Variants in LARS1 observed in about 807,000 individuals in gnomAD.
LARS1 encodes the protein leucine--tRNA ligase, cytoplasmic.
Under a neutral mutation model 162.8 loss-of-function variants are expected in LARS1, and 100 were observed. The observed-to-expected ratio is 0.61, with a 90% confidence interval of 0.52 to 0.73. The LOEUF (loss-of-function observed/expected upper bound fraction) is 0.73. Among genes scored for constraint, LARS1 ranks in the 30% least tolerant of loss-of-function variants. LARS1 has a pLI of 0.00. For missense variants in LARS1, 1,258 were observed against 1,408.9 expected (o/e 0.89, Z 1.71); for synonymous variants, 457 against 462.8 (o/e 0.99, Z 0.16).
rs745451310 is a variant in LARS1, at chr5:146,128,649, G to A, written c.2880+23C>T. 1.4e-4 allele frequency: 204 copies of A among 1,477,270 alleles called. No homozygotes were observed. In the Middle Eastern group the frequency reaches 2.6e-3, roughly 19 times the overall value. 91.5% of individuals were successfully genotyped at this position (1,477,270 alleles called of 1,614,324 possible). The stretch of plus-strand genomic sequence containing the variant: ...GGGAGCATACAACACCATCAGGGGG[G>A]AAAAGTCTACTGAGAGCATCACCTC... On this transcript the variant is annotated intron_variant, in intron 27 of 31. Transcript: ENST00000394434.
At chr5:146,181,771 A>G (rs1041157363) in intron 1 of LARS1, among the ~76,000 whole-genome samples, 1 of 145,166 alleles carries the variant, frequency 6.9e-6, no homozygotes, top group Admixed American at 7.1e-5. Flanking sequence ...ATATTTTACA[A>G]TGTATTTTAC....
intron 15 of LARS1, among the ~76,000 whole-genome samples, chr5:146,147,163 C>T (rs1048587745): frequency 6.6e-6 from 1 of 152,178 alleles, no homozygotes; most frequent in Non-Finnish European, 1.5e-5. Flanking sequence ...AGTGACAAGT[C>T]CTACCCATAA....
Position 146,164,291 on chromosome 5 carries a change from A to G in LARS1, c.594+19T>C. 6.2e-7 allele frequency: 1 copy of G among 1,606,256 alleles called. No homozygotes were observed. The highest frequency in any genetic ancestry group is 1.1e-5 in the South Asian group (1 of 90,640). ...ACATACTTGTAAATGCTTTCCTCAT[A>G]TTTCCTTTATAGACATACCTTCAAA... On this transcript the variant is annotated intron_variant, in intron 6 of 31. Coordinates refer to ENST00000394434, the MANE Select transcript of LARS1 (RefSeq NM_020117.11).
At chr5:146,122,154 T>C (rs1751851396) in intron 30 of LARS1, among the ~76,000 whole-genome samples, 1 of 152,010 alleles carries the variant, frequency 6.6e-6, no homozygotes, top group African/African-American at 2.4e-5. Flanking sequence ...GTTTAAAAGC[T>C]CCTTTTAACT....
chr5:146,123,918 A>G (rs946750370), intron 29 of LARS1, 64 bp downstream of exon 29: 14 of 790,354 alleles, frequency 1.8e-5, no homozygotes, highest in Admixed American at 7.1e-5. Context: ...TTATTATAAA[A>G]TAAAAGAGCT....
chr5:146,150,210 T>C (rs1439287003), intron 14 of LARS1, among the ~76,000 whole-genome samples: 1 of 152,190 alleles, frequency 6.6e-6, no homozygotes, highest in East Asian at 1.9e-4. Context: ...GGCAAAGTAT[T>C]AGCTTATCCA....
chr5:146,137,163 G>A (rs1752546751), intron 21 of LARS1, among the ~76,000 whole-genome samples: 1 of 152,212 alleles, frequency 6.6e-6, no homozygotes, highest in Non-Finnish European at 1.5e-5. Flanking sequence ...CTCCCAAAGT[G>A]CTGGGATTAT....
chr5:146,179,610 T>C (rs13157279), intron 1 of LARS1: 91,414 of 386,372 alleles, frequency 0.24, 12,972 homozygotes, highest in Admixed American at 0.38. Context: ...TGTGTGTCTG[T>C]GTGAGAGAGA....
Position 146,153,734 on chromosome 5 carries a change from T to G in LARS1, c.1230A>C (p.Gln410His). 1 of 1,611,934 alleles carries G rather than the reference T, an allele frequency of 6.2e-7. No homozygotes were observed. Among genetic ancestry groups the G allele is most frequent in the South Asian group, 1.1e-5 (1 of 91,036 alleles). Reference sequence around the variant, plus strand: ...ACAAACATGAAACTCAGATACTTACTTGCTTTTTCTTCAAGTCTCTGAGGG... The same window carrying G: ...ACAAACATGAAACTCAGATACTTACGTGCTTTTTCTTCAAGTCTCTGAGGG... Reference protein sequence around the residue: ...IAALRDLKKKQALRAKYGIRD... With the variant: ...IAALRDLKKKHALRAKYGIRD... Residue 410 changes from glutamine (Q) to histidine (H), a missense_variant and splice_region_variant, in exon 12 of 32, where the codon CAA (glutamine) becomes CAC (histidine). Coordinates refer to ENST00000394434, the MANE Select transcript of LARS1 (RefSeq NM_020117.11).
chr5:146,182,399 C>T (rs1392769954), intron 1 of LARS1, 89 bp downstream of exon 1: 8 of 1,552,246 alleles, frequency 5.2e-6, no homozygotes, highest in East Asian at 2.2e-5. Context: ...TAGAAAAGGA[C>T]TTTCCCTTCA....
intron 15 of LARS1, among the ~76,000 whole-genome samples, chr5:146,147,698 A>G (rs2126501015): frequency 6.6e-6 from 1 of 152,310 alleles, no homozygotes; most frequent in South Asian, 2.1e-4. Flanking sequence ...AAGAGGTTCA[A>G]TATCTGAATG....
At chr5:146,126,889 C>T (rs900403457) in intron 27 of LARS1, among the ~76,000 whole-genome samples, 1 of 152,078 alleles carries the variant, frequency 6.6e-6, no homozygotes, top group Non-Finnish European at 1.5e-5. Flanking sequence ...AAAAATTACA[C>T]AACTATCATA....
At chr5:146,118,692 T>C (rs758802374) in intron 31 of LARS1, among the ~76,000 whole-genome samples, 1 of 152,176 alleles carries the variant, frequency 6.6e-6, no homozygotes, top group Non-Finnish European at 1.5e-5. Context: ...GAGCAGTGAT[T>C]ACCAGGGACT....
chr5:146,114,385 C>T lies in LARS1; in HGVS notation c.3326-74G>A, dbSNP rs896188594. On this transcript the variant is annotated intron_variant, in intron 31 of 31. Coordinates refer to ENST00000394434, the MANE Select transcript of LARS1 (RefSeq NM_020117.11). Reference sequence around the variant, plus strand: ...AACCCTGGAGCAGTCTGAGAACTCACGTTTTAAATACGCTGGTTGTTATAT... The same window carrying T: ...AACCCTGGAGCAGTCTGAGAACTCATGTTTTAAATACGCTGGTTGTTATAT... The T allele has an allele frequency of 3.9e-5, 45 of 1,159,090 alleles. 1 individual carries two copies. Among genetic ancestry groups the T allele is most frequent in the Middle Eastern group, 2.0e-4 (1 of 4,948 alleles). The allele number at this position is 1,159,090 out of a possible 1,614,324, so 71.8% of individuals were successfully genotyped here.
chr5:146,149,944 G>C (rs1408913206), intron 14 of LARS1, among the ~76,000 whole-genome samples: 4 of 152,286 alleles, frequency 2.6e-5, no homozygotes, highest in Middle Eastern at 3.4e-3. Flanking sequence ...TACCTAGTGT[G>C]AGCATGATTA....
intron 6 of LARS1, among the ~76,000 whole-genome samples, chr5:146,163,993 C>A (rs1337094563): frequency 6.6e-6 from 1 of 152,176 alleles, no homozygotes; most frequent in Non-Finnish European, 1.5e-5. Context: ...AAACATTTAC[C>A]AATTAAGTTT....
At chr5:146,144,852 G>GTACTT in intron 15 of LARS1, 143 bp from the exon 16 acceptor site, 1 of 671,226 alleles carries the variant, frequency 1.5e-6, no homozygotes. Context: ...GCCTTCCCAG[G>GTACTT]GTCAGTCATC....
chr5:146,157,617 C>T lies in LARS1; in HGVS notation c.851G>A (p.Gly284Asp). Residue 284 changes from glycine (G) to aspartate (D), a missense_variant, in exon 10 of 32, where the codon GGT (glycine) becomes GAT (aspartate). Coordinates refer to ENST00000394434, the MANE Select transcript of LARS1 (RefSeq NM_020117.11). ...PYPSKLSGLK[G>D]KNIFLVAATL... is the part of the protein sequence containing the mutation. ...AGCAGCCACCAAGAAAATATTTTTA[C>T]CTTTCAGGCCACTGAGAAAAAAAAA... The T allele has an allele frequency of 1.9e-6, 3 of 1,613,880 alleles. No homozygotes were observed. The highest frequency in any genetic ancestry group is 2.5e-6 in the Non-Finnish European group (3 of 1,179,968).
At chr5:146,130,312 T>C in intron 24 of LARS1, 154 bp from the exon 25 acceptor site, 1 of 731,062 alleles carries the variant, frequency 1.4e-6, no homozygotes, top group Non-Finnish European at 2.2e-6. Flanking sequence ...TTTAAGAATC[T>C]GCAAGTATTT....
Sources: gnomAD v4.1 joint callset for allele counts (sites outside exome capture counted in the v4.1 genomes callset) on GRCh38, gnomAD v4.1.1 for gene constraint, MANE v1.5 for transcripts, NCBI Gene and HGNC (gene_info 2026-07-23, HGNC 2026-07-21) for gene names.